The following SP100 variants were observed in gnomAD, a reference collection of about 807,000 sequenced individuals.
SP100 encodes the protein nuclear autoantigen Sp-100.
SP100 carries 84 observed loss-of-function variants against 130.0 expected under a neutral mutation model. The ratio of observed to expected loss-of-function variants is 0.65; its 90% confidence interval spans 0.54 to 0.77. The LOEUF (loss-of-function observed/expected upper bound fraction) is 0.77, where lower values mean the gene tolerates loss of function less well. Ranked by LOEUF, SP100 falls within the 30% of genes least tolerant of loss-of-function variation. SP100 has a pLI of 0.00. For synonymous variants in SP100, 331 were observed against 351.7 expected, an observed-to-expected ratio of 0.94 and a Z score of 0.66; for missense variants, 978 against 1,052.2, an observed-to-expected ratio of 0.93 and a Z score of 0.97.
intron 24 of SP100, among the ~76,000 whole-genome samples, chr2:230,522,476 C>CTTTTTTTTTT (rs750389091): frequency 2.2e-4 from 18 of 82,124 alleles, no homozygotes; most frequent in East Asian, 3.7e-4. Context: ...CCCCAGTGTT[C>CTTTTTTTTTT]TTTTTTTTTT....
chr2:230,520,134 G>T (rs1255506361), intron 24 of SP100, among the ~76,000 whole-genome samples: 1 of 152,180 alleles, frequency 6.6e-6, no homozygotes, highest in Non-Finnish European at 1.5e-5. Context: ...AAGTTTCAGG[G>T]TATTCATGGA....
intron 6 of SP100, 147 bp from the exon 7 acceptor site, chr2:230,449,414 C>A: frequency 1.1e-6 from 1 of 911,804 alleles, no homozygotes; most frequent in Non-Finnish European, 1.8e-6. Flanking sequence ...GCCTGCTTCA[C>A]CATTTTCTGC....
chr2:230,482,756 A>G lies in SP100; in HGVS notation c.1600+8309A>G, dbSNP rs13412316. On this transcript the variant is annotated intron_variant, in intron 17 of 28. Transcript: ENST00000340126. ...TCTAGTCTGATCCATTGCCCTATCT[A>G]TTCTGCATCAATACATATCACACTC... is the stretch of plus-strand genomic sequence containing the variant. Among the ~76,000 whole-genome samples, 1,107 of 152,112 alleles carry G rather than the reference A, an allele frequency of 7.3e-3. 16 individuals are homozygous for G. The highest frequency in any genetic ancestry group is 0.026 in the African/African-American group (1,067 of 41,504).
intron 2 of SP100, among the ~76,000 whole-genome samples, chr2:230,437,499 A>G (rs1178058754): frequency 1.3e-5 from 2 of 152,006 alleles, no homozygotes; most frequent in African/African-American, 2.4e-5. Context: ...CTGAATATTG[A>G]TATATATTTC....
At chr2:230,442,157 C>G (rs1349717387) in intron 2 of SP100, among the ~76,000 whole-genome samples, 1 of 152,092 alleles carries the variant, frequency 6.6e-6, no homozygotes, top group African/African-American at 2.4e-5. Flanking sequence ...CATAAATTTT[C>G]ATAATATTAA....
intron 18 of SP100, among the ~76,000 whole-genome samples, chr2:230,496,553 C>CT (rs1005112592): frequency 9.2e-5 from 14 of 151,546 alleles, no homozygotes; most frequent in African/African-American, 2.9e-4. Context: ...TGGGTTTTGC[C>CT]TTTTAAAAAA....
At chr2:230,489,575 T>A (rs1387038640) in intron 17 of SP100, among the ~76,000 whole-genome samples, 3 of 152,190 alleles carry the variant, frequency 2.0e-5, no homozygotes, top group Non-Finnish European at 2.9e-5. Context: ...TAGTTTGCTC[T>A]TGTCTCTCTG....
chr2:230,468,177 G>A lies in SP100; in HGVS notation c.1292-866G>A, dbSNP rs370130573. On this transcript the variant is annotated intron_variant, in intron 13 of 28. Transcript: ENST00000340126. ...TCTTTTTTCTTTGCACATCACATAT[G>A]GAAAGTTATAGGAGGAGACAAGACT... 4.6e-5 allele frequency among the ~76,000 whole-genome samples: 7 copies of A among 152,242 alleles called. No individual in the cohort carries two copies. In the East Asian group the frequency reaches 7.7e-4, roughly 17 times the overall value.
At chr2:230,434,119 A>T (rs991800117) in intron 2 of SP100, among the ~76,000 whole-genome samples, 2 of 151,870 alleles carry the variant, frequency 1.3e-5, no homozygotes, top group African/African-American at 2.4e-5. Flanking sequence ...TCTGAATTTT[A>T]TATACAAATG....
Position 230,460,292 on chromosome 2 carries a change from A to G in SP100, c.821-970A>G, listed in dbSNP as rs543810963. On this transcript the variant is annotated intron_variant, in intron 8 of 28. Transcript: ENST00000340126. The stretch of plus-strand genomic sequence containing the variant: ...TTATTTCTATAATGGAATACTATCT[A>G]GTAGTGAAAATAATTATACAAAACG... 5.3e-5 allele frequency among the ~76,000 whole-genome samples: 8 copies of G among 152,316 alleles called. No individual in the cohort carries two copies. In the South Asian group the frequency reaches 8.3e-4, roughly 16 times the overall value.
At chr2:230,494,359 T>A in intron 17 of SP100, 57 bp from the exon 18 acceptor site, 2 of 1,251,418 alleles carry the variant, frequency 1.6e-6, no homozygotes, top group Admixed American at 3.4e-5. Context: ...ACATATAAAG[T>A]GTGTAAATCT....
At chr2:230,486,389 T>C (rs1192761002) in intron 17 of SP100, among the ~76,000 whole-genome samples, 1 of 152,222 alleles carries the variant, frequency 6.6e-6, no homozygotes, top group East Asian at 1.9e-4. Context: ...TGTGTTCTCA[T>C]TGTTCAACTC....
In SP100 at chr2:230,470,855, A is replaced by G. The variant is rs562900434; in HGVS notation, c.1429+757A>G. On this transcript the variant is annotated intron_variant, in intron 15 of 28. Coordinates refer to ENST00000340126, the MANE Select transcript of SP100 (RefSeq NM_001080391.2). ...GAACTCAGAATATTCACAGGAGACTATACCAGTGCCTGATGCAAGAAAGCT... is the reference window on the plus strand; with the variant it reads ...GAACTCAGAATATTCACAGGAGACTGTACCAGTGCCTGATGCAAGAAAGCT... Among the ~76,000 whole-genome samples the G allele has an allele frequency of 7.9e-5, 12 of 152,342 alleles. No homozygotes were observed. In the South Asian group the frequency reaches 1.9e-3, roughly 24 times the overall value.
intron 2 of SP100, among the ~76,000 whole-genome samples, chr2:230,421,331 T>C (rs1024023778): frequency 6.6e-6 from 1 of 152,140 alleles, no homozygotes; most frequent in Non-Finnish European, 1.5e-5. Flanking sequence ...TTCCCCTGAT[T>C]CCATCAGTTC....
intron 8 of SP100, among the ~76,000 whole-genome samples, chr2:230,457,503 C>T (rs898669736): frequency 6.6e-6 from 1 of 152,090 alleles, no homozygotes. Flanking sequence ...GAGTCTGGGG[C>T]TTTGGGAGCT....
At chr2:230,522,092 T>G (rs1036418028) in intron 24 of SP100, among the ~76,000 whole-genome samples, 2 of 152,046 alleles carry the variant, frequency 1.3e-5, no homozygotes, top group Non-Finnish European at 2.9e-5. Context: ...TACCAGACAG[T>G]GGGATTGGCT....
intron 19 of SP100, 35 bp from the exon 20 acceptor site, chr2:230,503,031 A>G: frequency 6.6e-7 from 1 of 1,518,156 alleles, no homozygotes. Flanking sequence ...TTTGCAATGT[A>G]AAGAGACATT....
At chr2:230,465,272 C>T (rs1258882801) in intron 11 of SP100, among the ~76,000 whole-genome samples, 3 of 151,138 alleles carry the variant, frequency 2.0e-5, no homozygotes, top group Non-Finnish European at 4.4e-5. Context: ...AGTGTGTGTG[C>T]ACCTGTGATC....
chr2:230,485,177 T>A (rs538313469), intron 17 of SP100, among the ~76,000 whole-genome samples: 1 of 152,150 alleles, frequency 6.6e-6, no homozygotes, highest in South Asian at 2.1e-4. Context: ...GGTCTTGAAC[T>A]CCTGGTCTCA....
Sources: allele counts gnomAD v4.1 joint callset (sites outside exome capture counted in the v4.1 genomes callset), GRCh38; gene constraint gnomAD v4.1.1; transcripts MANE v1.5; gene names NCBI Gene and HGNC (gene_info 2026-07-23, HGNC 2026-07-21).